Variants in FMN2 observed in about 807,000 individuals in gnomAD.
FMN2 encodes the protein formin 2.
A neutral mutation model predicts 142.3 loss-of-function variants in FMN2; 51 were observed. The ratio of observed to expected loss-of-function variants is 0.36; its 90% CI spans 0.29 to 0.45. The LOEUF is 0.45. FMN2 is among the 20% of genes least tolerant of loss of function. The pLI is 1.00. For synonymous variants in FMN2, 882 were observed against 869.8 expected, an observed-to-expected ratio of 1.01 and a Z score of -0.25; for missense variants, 1,936 against 2,122.8, an observed-to-expected ratio of 0.91 and a Z score of 1.73.
intron 14 of FMN2, among the ~76,000 whole-genome samples, chr1:240,360,691 A>G (rs901374944): frequency 3.9e-5 from 6 of 152,290 alleles, no homozygotes; most frequent in African/African-American, 1.4e-4. Context: ...TTGCGGCACT[A>G]TTCACAATAG....
intron 7 of FMN2, among the ~76,000 whole-genome samples, chr1:240,259,617 C>T (rs1668563248): frequency 6.6e-6 from 1 of 151,376 alleles, no homozygotes; most frequent in Non-Finnish European, 1.5e-5. Flanking sequence ...GTGTGAATCG[C>T]TTGTGTCCTC....
chr1:240,412,938 C>T (rs140897818), intron 15 of FMN2, among the ~76,000 whole-genome samples: 3,308 of 151,140 alleles, frequency 0.022, 125 homozygotes, highest in African/African-American at 0.074. Flanking sequence ...CTGGCTAACA[C>T]GGTGAAACCC....
At chr1:240,229,741 G>A (rs967589298) in intron 6 of FMN2, among the ~76,000 whole-genome samples, 1 of 74,514 alleles carries the variant, frequency 1.3e-5, no homozygotes, top group African/African-American at 8.0e-5. Flanking sequence ...CTGCCTCCCC[G>A]GTTCCAGCGA....
intron 2 of FMN2, among the ~76,000 whole-genome samples, chr1:240,160,471 T>TACA (rs1664231937): frequency 6.7e-6 from 1 of 149,182 alleles, no homozygotes; most frequent in African/African-American, 2.4e-5. Context: ...TATATATACA[T>TACA]TATATATAAT....
chr1:240,456,752 G>T (rs1439108530), intron 16 of FMN2, among the ~76,000 whole-genome samples: 1 of 152,130 alleles, frequency 6.6e-6, no homozygotes, highest in Non-Finnish European at 1.5e-5. Context: ...CACTGCACCC[G>T]GCGGAAGAGT....
chr1:240,325,425 G>A (rs1671137899), intron 8 of FMN2, among the ~76,000 whole-genome samples: 1 of 151,016 alleles, frequency 6.6e-6, no homozygotes, highest in African/African-American at 2.4e-5. Flanking sequence ...TAAAAAAAGA[G>A]TGTATACTTA....
chr1:240,342,860 T>C (rs931544365), intron 13 of FMN2, among the ~76,000 whole-genome samples: 3 of 152,180 alleles, frequency 2.0e-5, no homozygotes, highest in African/African-American at 7.2e-5. Context: ...CACTATACAG[T>C]ATACAATTTT....
chr1:240,128,178 G>A (rs1662588836), intron 2 of FMN2, among the ~76,000 whole-genome samples: 1 of 152,154 alleles, frequency 6.6e-6, no homozygotes, highest in South Asian at 2.1e-4. Context: ...TGTAGATCAT[G>A]GTATATTTCA....
chr1:240,412,339 G>A (rs1183001246), intron 15 of FMN2, among the ~76,000 whole-genome samples: 2 of 152,160 alleles, frequency 1.3e-5, no homozygotes, highest in African/African-American at 4.8e-5. Flanking sequence ...GTATTGCAAC[G>A]GACTGAAGAA....
At chr1:240,308,495 G>A (rs986511582) in intron 8 of FMN2, among the ~76,000 whole-genome samples, 2 of 152,062 alleles carry the variant, frequency 1.3e-5, no homozygotes, top group Admixed American at 1.3e-4. Flanking sequence ...GTTTAGTTTC[G>A]TGTCTAGTGA....
intron 7 of FMN2, among the ~76,000 whole-genome samples, chr1:240,268,120 G>C (rs1217702076): frequency 6.6e-6 from 1 of 151,996 alleles, no homozygotes; most frequent in Admixed American, 6.6e-5. Flanking sequence ...ATTAGACCCA[G>C]TGATCTCATT....
At chr1:240,261,329 C>G (rs1050773092) in intron 7 of FMN2, among the ~76,000 whole-genome samples, 1 of 147,882 alleles carries the variant, frequency 6.8e-6, no homozygotes, top group East Asian at 2.0e-4. Context: ...AACTTGCACT[C>G]AGGCCCCTTC....
intron 15 of FMN2, among the ~76,000 whole-genome samples, chr1:240,427,171 T>TTATATATATATATATATATATA (rs34534422): frequency 1.6e-4 from 22 of 136,908 alleles, no homozygotes; most frequent in African/African-American, 6.4e-4. Context: ...ACAACTGATT[T>TTATATATATATATATATATATA]TATATATATA....
intron 2 of FMN2, among the ~76,000 whole-genome samples, chr1:240,135,393 T>A (rs910076118): frequency 6.6e-6 from 1 of 152,206 alleles, no homozygotes; most frequent in Admixed American, 6.5e-5. Context: ...ATTACTTTTT[T>A]CTTATGAAGT....
At chr1:240,324,793 C>CAAA (rs11392877) in intron 8 of FMN2, among the ~76,000 whole-genome samples, 2 of 146,872 alleles carry the variant, frequency 1.4e-5, no homozygotes, top group African/African-American at 5.0e-5. Flanking sequence ...AACCTTGCAT[C>CAAA]AAAAAAAAAA....
At chr1:240,241,575 T>A (rs1667896932) in intron 6 of FMN2, among the ~76,000 whole-genome samples, 1 of 152,154 alleles carries the variant, frequency 6.6e-6, no homozygotes, top group South Asian at 2.1e-4. Flanking sequence ...ATACTGAACA[T>A]CATTCATTTC....
At chr1:240,289,329 T>C (rs781588743) in intron 7 of FMN2, among the ~76,000 whole-genome samples, 1 of 152,080 alleles carries the variant, frequency 6.6e-6, no homozygotes, top group Non-Finnish European at 1.5e-5. Context: ...CACTGTTCCA[T>C]AGCTTAAAAT....
At chr1:240,323,157 CT>C (rs1262565435) in intron 8 of FMN2, among the ~76,000 whole-genome samples, 7 of 145,440 alleles carry the variant, frequency 4.8e-5, no homozygotes, top group Admixed American at 2.8e-4. Context: ...CTTTCTCTTT[CT>C]CTTTCTCTCT....
intron 2 of FMN2, among the ~76,000 whole-genome samples, chr1:240,158,708 T>C (rs1052387096): frequency 3.3e-5 from 5 of 152,194 alleles, no homozygotes; most frequent in African/African-American, 1.2e-4. Flanking sequence ...CTGCATTTTG[T>C]GTCGAACTGA....
Sources: gnomAD v4.1 joint callset for allele counts (sites outside exome capture counted in the v4.1 genomes callset) on GRCh38, gnomAD v4.1.1 for gene constraint, MANE v1.5 for transcripts, NCBI Gene and HGNC (gene_info 2026-07-23, HGNC 2026-07-21) for gene names.